UMODL1: variants seen among roughly 807,000 people sequenced by gnomAD.
UMODL1 encodes the protein uromodulin-like 1.
A neutral mutation model predicts 136.3 loss-of-function variants in UMODL1; 128 were observed. The ratio of observed to expected loss-of-function variants is 0.94; its 90% confidence interval spans 0.81 to 1.09. The LOEUF (loss-of-function observed/expected upper bound fraction) is 1.09, where lower values mean the gene tolerates loss of function less well. Among genes scored for constraint, UMODL1 ranks in the 50% least tolerant of loss-of-function variants. The pLI, the probability that UMODL1 is intolerant of heterozygous loss-of-function variation, is 0.00. For missense variants in UMODL1, 1,766 were observed against 1,725.6 expected, an observed-to-expected ratio of 1.02 and a Z score of -0.41; for synonymous variants, 721 against 720.0, an observed-to-expected ratio of 1.00 and a Z score of -0.02.
At chr21:42,108,748 G>A (rs903706705) in intron 9 of UMODL1, among the ~76,000 whole-genome samples, 1 of 148,062 alleles carries the variant, frequency 6.8e-6, no homozygotes, top group Non-Finnish European at 1.5e-5. Context: ...TTCCCCTCAG[G>A]CGGGCCCCCC....
intron 8 of UMODL1, 132 bp downstream of exon 8, chr21:42,102,410 G>A (rs754957936): frequency 1.1e-5 from 7 of 656,880 alleles, no homozygotes; most frequent in Non-Finnish European, 1.8e-5. Flanking sequence ...AGCTTCAGGG[G>A]AGGCCAAACC....
Position 42,115,994 on chromosome 21 carries a change from G to T in UMODL1, c.2475+9G>T. 1 of 1,604,196 alleles carries T rather than the reference G, an allele frequency of 6.2e-7. No homozygotes were observed. The highest frequency in any genetic ancestry group is 2.2e-5 in the East Asian group (1 of 44,738). ...AACTATTCTTCAGGATGGTGAGTTG[G>T]TGATATCAGCCCTTAATTCCTTTCA... On this transcript the variant is annotated intron_variant, in intron 14 of 22. Transcript: ENST00000408910.
intron 13 of UMODL1, 37 bp downstream of exon 13, chr21:42,113,867 A>G: frequency 6.3e-7 from 1 of 1,589,926 alleles, no homozygotes; most frequent in South Asian, 1.1e-5. Context: ...GAGAGGAACA[A>G]AAAGTATGAA....
chr21:42,067,221 C>A (rs112411669), upstream of UMODL1, among the ~76,000 whole-genome samples: 3 of 152,090 alleles, frequency 2.0e-5, no homozygotes, highest in African/African-American at 7.2e-5. Context: ...ATCCACCCCC[C>A]ACCCCTCCCA....
Position 42,121,183 on chromosome 21 carries a change from C to A in UMODL1, c.2786C>A (p.Ala929Asp), listed in dbSNP as rs1235016812. ...GSFTCSCEGG[A>D]PDFPVEYSER... ...TTCACTTGTAGCTGCGAGGGAGGAG[C>A]CCCCGACTTCCCTGTGGAATATTCT... The change falls in exon 16 of 23, where the codon GCC becomes GAC. Residue 929 changes from alanine (A) to aspartate (D), a missense_variant. Coordinates refer to ENST00000408910, the MANE Select transcript of UMODL1 (RefSeq NM_001004416.3). 3 of 1,613,838 alleles carry A rather than the reference C, an allele frequency of 1.9e-6. No individual in the cohort carries two copies. The highest frequency in any genetic ancestry group is 2.2e-5 in the East Asian group (1 of 44,868).
intron 2 of UMODL1, among the ~76,000 whole-genome samples, chr21:42,081,193 T>C (rs1298072926): frequency 6.6e-6 from 1 of 152,188 alleles, no homozygotes; most frequent in African/African-American, 2.4e-5. Flanking sequence ...TGTCCCCGCA[T>C]GCTGATGACC....
At chr21:42,070,113 A>G (rs548496799), upstream of UMODL1, among the ~76,000 whole-genome samples, 1 of 152,336 alleles carries the variant, frequency 6.6e-6, no homozygotes, top group South Asian at 2.1e-4. Flanking sequence ...AGATTAATCT[A>G]CAGAGAATAA....
chr21:42,108,249 C>A (rs2066751434), intron 9 of UMODL1: 1 of 479,338 alleles, frequency 2.1e-6, no homozygotes. Context: ...TGCAGCCCAG[C>A]CAGCCTAGGC....
In UMODL1 at chr21:42,085,918, C is replaced by A. The variant is rs1176505150; in HGVS notation, c.603+506C>A. ...TCTCCACACAAGTCAGAAGCACACC[C>A]CAGGGTGGCATCCAAAACTGTCTCC... On this transcript the variant is annotated intron_variant, in intron 4 of 22. Coordinates refer to ENST00000408910, the MANE Select transcript of UMODL1 (RefSeq NM_001004416.3). This position sits in a 1 kb window ranked among gnomAD's most constrained non-coding sequence, Gnocchi z 4.5. Among the ~76,000 whole-genome samples, 3 of 152,220 alleles carry A rather than the reference C, an allele frequency of 2.0e-5. No homozygotes were observed. Among genetic ancestry groups the A allele is most frequent in the Non-Finnish European group, 4.4e-5 (3 of 68,040 alleles).
intron 9 of UMODL1, chr21:42,108,395 G>C (rs1180333389): frequency 2.0e-6 from 1 of 506,136 alleles, no homozygotes; most frequent in Non-Finnish European, 4.1e-6. Flanking sequence ...TAGGGTGGTG[G>C]CATAGCTGTT....
At chr21:42,118,930 C>G (rs532080528) in intron 14 of UMODL1, among the ~76,000 whole-genome samples, 181 bp from the exon 15 acceptor site, 3 of 152,362 alleles carry the variant, frequency 2.0e-5, no homozygotes, top group African/African-American at 7.2e-5. Flanking sequence ...CACTCCCAGG[C>G]GTTTGTGCTG....
Position 42,099,128 on chromosome 21 carries a change from C to CAGCT in UMODL1, c.1136_1139dup (p.Tyr380Ter). On this transcript the variant is annotated frameshift_variant, in exon 7 of 23. Coordinates refer to ENST00000408910, the MANE Select transcript of UMODL1 (RefSeq NM_001004416.3). LOFTEE classifies it high-confidence loss of function. This position sits in a 1 kb window ranked among gnomAD's most constrained non-coding sequence, Gnocchi z 4.1. ...CTGGAGTGCTGTACAGGGTGAAGAC[C>CAGCT]AGCTACCAGGGGTGCGGGGCCGACG... 6.2e-7 allele frequency: 1 copy of CAGCT among 1,613,906 alleles called. No individual in the cohort carries two copies. Among genetic ancestry groups the CAGCT allele is most frequent in the Non-Finnish European group, 8.5e-7 (1 of 1,180,024 alleles).
chr21:42,141,171 C>T (rs2067276513), intron 22 of UMODL1, among the ~76,000 whole-genome samples: 1 of 152,240 alleles, frequency 6.6e-6, no homozygotes, highest in Non-Finnish European at 1.5e-5. Context: ...AGCCAATCCT[C>T]CCAGGTCACC....
chr21:42,104,875 C>T (rs1018179399), intron 9 of UMODL1, among the ~76,000 whole-genome samples: 3 of 152,190 alleles, frequency 2.0e-5, no homozygotes, highest in Non-Finnish European at 2.9e-5. Context: ...CAGAAAGGCA[C>T]GGAGACCAGG....
chr21:42,107,165 T>C (rs770750609), intron 9 of UMODL1, among the ~76,000 whole-genome samples: 2 of 152,188 alleles, frequency 1.3e-5, no homozygotes, highest in Non-Finnish European at 2.9e-5. Flanking sequence ...TCCCAACATC[T>C]GCTCTCAGGA....
In UMODL1 at chr21:42,090,019, A is replaced by C. The variant is rs145337242; in HGVS notation, c.791-279A>C. On this transcript the variant is annotated intron_variant, in intron 5 of 22. Coordinates refer to ENST00000408910, the MANE Select transcript of UMODL1 (RefSeq NM_001004416.3). ...TTTCATGACCACTCAGACTCAGTCC[A>C]GCCCAGAGTGATTTGCTCACGTGAG... is the stretch of plus-strand genomic sequence containing the variant. 1.6e-4 allele frequency among the ~76,000 whole-genome samples: 25 copies of C among 152,346 alleles called. No individual in the cohort carries two copies. In the East Asian group the frequency reaches 4.8e-3, roughly 29 times the overall value.
chr21:42,082,127 G>A (rs2066369412), intron 2 of UMODL1, among the ~76,000 whole-genome samples: 1 of 152,254 alleles, frequency 6.6e-6, no homozygotes, highest in African/African-American at 2.4e-5. Context: ...AGGGCTGGGT[G>A]AGGAGAGCGG....
At chr21:42,111,259 C>G (rs2066822694) in intron 11 of UMODL1, 138 bp downstream of exon 11, 2 of 1,414,824 alleles carry the variant, frequency 1.4e-6, no homozygotes, top group Admixed American at 2.4e-5. Context: ...GGAGCACCAG[C>G]CAGGGGAGCC....
At chr21:42,077,000 GGGGTGTGTGT>G (rs2066299544) in intron 2 of UMODL1, among the ~76,000 whole-genome samples, 5 of 135,524 alleles carry the variant, frequency 3.7e-5, no homozygotes, top group African/African-American at 1.3e-4. Flanking sequence ...TTCCAGGGGA[GGGGTGTGTGT>G]GTGTGTGTGT....
Sources: allele counts gnomAD v4.1 joint callset (sites outside exome capture counted in the v4.1 genomes callset), GRCh38; gene constraint gnomAD v4.1.1; non-coding constraint Gnocchi (gnomAD v3.1); transcripts MANE v1.5; gene names NCBI Gene and HGNC (gene_info 2026-07-23, HGNC 2026-07-21).